The following COL1A1 variants were observed in gnomAD, a reference collection of about 807,000 sequenced individuals.
COL1A1 encodes the protein collagen alpha-1(I) chain.
COL1A1 carries 21 observed loss-of-function variants against 195.7 expected under a neutral mutation model. The ratio of observed to expected loss-of-function variants is 0.11; its 90% CI spans 0.08 to 0.15. COL1A1 has a LOEUF of 0.15. Ranked by LOEUF, COL1A1 falls within the 10% of genes least tolerant of loss-of-function variation. The pLI is 1.00. For missense variants in COL1A1, 1,365 were observed against 2,051.0 expected (o/e 0.67, Z 6.46); for synonymous variants, 749 against 747.3 (o/e 1.00, Z -0.04).
intron 25 of COL1A1, 81 bp downstream of exon 25, chr17:50,193,862 G>A: frequency 7.8e-7 from 1 of 1,281,532 alleles, no homozygotes; most frequent in South Asian, 1.2e-5. Context: ...CAGCGGCACA[G>A]CTGAGCCCAG....
chr17:50,196,566 T>C (rs1291459650), intron 12 of COL1A1, 38 bp from the exon 13 acceptor site: 2 of 1,614,150 alleles, frequency 1.2e-6, no homozygotes, highest in Middle Eastern at 1.6e-4. Context: ...AATTCATTCA[T>C]GGTGGGACTC....
chr17:50,185,978 T>C lies in COL1A1; in HGVS notation c.4048A>G (p.Ile1350Val). 1 of 1,613,620 alleles carries C rather than the reference T, an allele frequency of 6.2e-7. No individual in the cohort carries two copies. The highest frequency in any genetic ancestry group is 2.2e-5 in the East Asian group (1 of 44,848). ...GQGSDPADVA[I>V]QLTFLRLMST... ...ATCAGGCGCAGGAAGGTCAGCTGGA[T>C]GGCCACATCGGCAGGGTCGGAGCCC... is the stretch of plus-strand genomic sequence containing the variant. The change falls in exon 50 of 51, where the codon ATC becomes GTC. Residue 1350 changes from isoleucine (I) to valine (V), a missense_variant. Transcript: ENST00000225964.
In COL1A1 at chr17:50,185,358, G is replaced by T; in HGVS notation, c.*144C>A. The T allele has an allele frequency of 1.1e-6, 1 of 878,048 alleles. No homozygotes were observed. The highest frequency in any genetic ancestry group is 1.7e-6 in the Non-Finnish European group (1 of 588,078). 54.4% of individuals were successfully genotyped at this position (878,048 alleles called of 1,614,324 possible). A position where few individuals can be genotyped will look rare whatever the true frequency, so the allele number is the denominator to read the frequency against. ...ACTAAGTTTGAGAGATGAATGCAAA[G>T]GAAAAAAATATTTTCCAAAGTCCAT... On this transcript the variant is annotated 3_prime_UTR_variant, in exon 51 of 51. Coordinates refer to ENST00000225964, the MANE Select transcript of COL1A1 (RefSeq NM_000088.4).
chr17:50,192,633 G>T lies in COL1A1; in HGVS notation c.1929+7C>A, dbSNP rs748740828. On this transcript the variant is annotated splice_region_variant and intron_variant, in intron 28 of 50. Coordinates refer to ENST00000225964, the MANE Select transcript of COL1A1 (RefSeq NM_000088.4). ...CTCCCAGCATCCTGACAGCCATGAG[G>T]CCTCACCTGGAATCCGGGGGAGCCA... 1.2e-6 allele frequency: 2 copies of T among 1,614,214 alleles called. No homozygotes were observed. Among genetic ancestry groups the T allele is most frequent in the Non-Finnish European group, 1.7e-6 (2 of 1,180,036 alleles).
Position 50,198,173 on chromosome 17 carries a change from G to A in COL1A1, c.576C>T (p.Pro192=), listed in dbSNP as rs747650152. The A allele has an allele frequency of 5.6e-6, 9 of 1,614,130 alleles. No homozygotes were observed. The Admixed American group carries it at 1.3e-4, about 24-fold the overall frequency. Residue 192 remains proline, a synonymous_variant, in exon 7 of 51, where the codon CCC becomes CCT. Transcript: ENST00000225964. ...GPSGPRGLPG[P]PGAPGPQGFQ... ...CCTGGATACTCACAGGTGCACCAGG[G>A]GGGCCAGGGAGACCACGAGGACCAG...
At position 50,189,613 on chromosome 17, in the gene COL1A1, A is replaced by ATCCTTCTGGCAGCCCCCACCC. The variant is rs1906886778; in HGVS notation, c.2667+45_2667+65dup. The ATCCTTCTGGCAGCCCCCACCC allele has an allele frequency of 6.2e-6, 10 of 1,611,872 alleles. No homozygotes were observed. The highest frequency in any genetic ancestry group is 8.5e-6 in the Non-Finnish European group (10 of 1,178,988). On this transcript the variant is annotated intron_variant, in intron 38 of 50. Coordinates refer to ENST00000225964, the MANE Select transcript of COL1A1 (RefSeq NM_000088.4). The surrounding 1 kb of genome is among the most constrained non-coding windows in gnomAD (Gnocchi z 5.5). The stretch of plus-strand genomic sequence containing the variant: ...CATTGGGTCCTCAGTCAGCCCCACC[A>ATCCTTCTGGCAGCCCCCACCC]TCCTTCTGGCAGCCCCCACCCAGCA...
In COL1A1 at chr17:50,195,660, T is replaced by A. The variant is rs778733293; in HGVS notation, c.1062A>T (p.Glu354Asp). ...GFPGAVGAKG[E>D]AGPQGPRGSE... Reference sequence around the variant, plus strand: ...AGCCTCGGGGCCCTTGGGGACCAGCTTCACCCTGAATCAGAAGAAAGGACA... The same window carrying A: ...AGCCTCGGGGCCCTTGGGGACCAGCATCACCCTGAATCAGAAGAAAGGACA... The change falls in exon 17 of 51, where the codon GAA becomes GAT. Residue 354 changes from glutamate to aspartate, a missense_variant. Glu to Asp is a conservative substitution (Grantham distance 45). Transcript: ENST00000225964. The surrounding 1 kb of genome is among the most constrained non-coding windows in gnomAD (Gnocchi z 4.3). The A allele has an allele frequency of 1.1e-5, 18 of 1,613,192 alleles. No homozygotes were observed. In the Admixed American group the frequency reaches 1.8e-4, roughly 16 times the overall value.
rs1906607888 is a variant in COL1A1, at chr17:50,187,044, G to A, written c.3502C>T (p.Arg1168Cys). The A allele has an allele frequency of 6.2e-7, 1 of 1,613,878 alleles. No homozygotes were observed. The highest frequency in any genetic ancestry group is 8.5e-7 in the Non-Finnish European group (1 of 1,179,928). The change falls in exon 47 of 51, where the codon CGC (arginine) becomes TGC (cysteine). Residue 1168 changes from arginine to cysteine, a missense_variant. This residue lies in a region of COL1A1 where 671 missense variants were observed against 1,099.9 expected (regional missense o/e 0.61). Transcript: ENST00000225964. ...GGACCAGCATCACCAGTGCGACCGC[G>A]AGGACCAGGGGGCCCAATGGGGCCA... ...LPGPIGPPGPRGRTGDAGPVG... is the reference protein window; with the variant it reads ...LPGPIGPPGPCGRTGDAGPVG...
At position 50,195,799 on chromosome 17, in the gene COL1A1, G is replaced by A. The variant is rs575259422; in HGVS notation, c.1056+124C>T. The stretch of plus-strand genomic sequence containing the variant: ...TCTAAGATCAGAGACGGAGAACCCA[G>A]GACAAAGGTGTTAGTGAACGGGCTG... On this transcript the variant is annotated intron_variant, in intron 16 of 50. Coordinates refer to ENST00000225964, the MANE Select transcript of COL1A1 (RefSeq NM_000088.4). The surrounding 1 kb of genome is among the most constrained non-coding windows in gnomAD (Gnocchi z 4.3). 65 of 1,348,358 alleles carry A rather than the reference G, an allele frequency of 4.8e-5. No homozygotes were observed. Among genetic ancestry groups the A allele is most frequent in the Non-Finnish European group, 6.3e-5 (61 of 962,430 alleles). 83.5% of individuals were successfully genotyped at this position (1,348,358 alleles called of 1,614,324 possible). A position where few individuals can be genotyped will look rare whatever the true frequency, so the allele number is the denominator to read the frequency against.
At position 50,184,895 on chromosome 17, in the gene COL1A1, G is replaced by A. The variant is rs372353138; in HGVS notation, c.*607C>T. The A allele has an allele frequency of 9.6e-5, 22 of 229,396 alleles. No homozygotes were observed. Among genetic ancestry groups the A allele is most frequent in the African/African-American group, 3.3e-4 (15 of 45,158 alleles). 14.2% of individuals were successfully genotyped at this position (229,396 alleles called of 1,614,324 possible). ...CCGGCATGACCCCCTCAAAAACGAA[G>A]GGGAGATGTTGCAAGAGCCATGGGA... On this transcript the variant is annotated 3_prime_UTR_variant, in exon 51 of 51. Coordinates refer to ENST00000225964, the MANE Select transcript of COL1A1 (RefSeq NM_000088.4).
At position 50,185,380 on chromosome 17, in the gene COL1A1, C is replaced by T. The variant is rs1345758063; in HGVS notation, c.*122G>A. ...AAAGGAAAAAAATATTTTCCAAAGTCCATGTGAAATTGTCTCCCATTTTTT... is the reference window on the plus strand; with the variant it reads ...AAAGGAAAAAAATATTTTCCAAAGTTCATGTGAAATTGTCTCCCATTTTTT... On this transcript the variant is annotated 3_prime_UTR_variant, in exon 51 of 51. Coordinates refer to ENST00000225964, the MANE Select transcript of COL1A1 (RefSeq NM_000088.4). 10 of 1,081,600 alleles carry T rather than the reference C, an allele frequency of 9.2e-6. No individual in the cohort carries two copies. The South Asian group carries it at 1.2e-4, about 12-fold the overall frequency. The allele number at this position is 1,081,600 out of a possible 1,614,324, so 67.0% of individuals were successfully genotyped here.
rs1567762542 is a variant in COL1A1 at position 50,197,192 on chromosome 17, A to G, written c.738T>C (p.Pro246=). Residue 246 remains proline (P), a synonymous_variant, in exon 10 of 51, where the codon CCT becomes CCC. Coordinates refer to ENST00000225964, the MANE Select transcript of COL1A1 (RefSeq NM_000088.4). Reference sequence around the variant, plus strand: ...GCCCCCTGCTCACCTGAGGCCCAGGAGGCCCACGCTCACCAGGACGACCAG... The same window carrying G: ...GCCCCCTGCTCACCTGAGGCCCAGGGGGCCCACGCTCACCAGGACGACCAG... ...GKPGRPGERG[P]PGPQGARGLP... is the part of the protein sequence containing the mutation. 1 of 1,613,674 alleles carries G rather than the reference A, an allele frequency of 6.2e-7. No individual in the cohort carries two copies. The highest frequency in any genetic ancestry group is 8.5e-7 in the Non-Finnish European group (1 of 1,180,024).
In COL1A1 at chr17:50,185,445, C is replaced by G. The variant is rs10144; in HGVS notation, c.*57G>C. The stretch of plus-strand genomic sequence containing the variant: ...TTCAGTTTGGGTTGCTTGTCTGTTT[C>G]CGGGTTGGGGGGAAAGTTGGTTGGG... On this transcript the variant is annotated 3_prime_UTR_variant, in exon 51 of 51. Transcript: ENST00000225964. 6.2e-6 allele frequency: 10 copies of G among 1,609,304 alleles called. No individual in the cohort carries two copies.
At position 50,196,000 on chromosome 17, in the gene COL1A1, G is replaced by C. The variant is rs1567761263; in HGVS notation, c.1003-24C>G. On this transcript the variant is annotated intron_variant, in intron 15 of 50. Transcript: ENST00000225964. The surrounding 1 kb of genome is among the most constrained non-coding windows in gnomAD (Gnocchi z 4.3). ...CCCTGTGAATGAAATGGAGATGTCAGCGAGAAGGAAGAGATGGCAGCTGCA... is the reference window on the plus strand; with the variant it reads ...CCCTGTGAATGAAATGGAGATGTCACCGAGAAGGAAGAGATGGCAGCTGCA... 1 of 1,597,518 alleles carries C rather than the reference G, an allele frequency of 6.3e-7. No homozygotes were observed. The highest frequency in any genetic ancestry group is 1.8e-5 in the Admixed American group (1 of 56,992).
Position 50,189,084 on chromosome 17 carries a change from C to T in COL1A1, c.2938-74G>A, listed in dbSNP as rs1906831252. 6.3e-7 allele frequency: 1 copy of T among 1,579,818 alleles called. No homozygotes were observed. Among genetic ancestry groups the T allele is most frequent in the African/African-American group, 1.3e-5 (1 of 74,276 alleles). On this transcript the variant is annotated intron_variant, in intron 40 of 50. Coordinates refer to ENST00000225964, the MANE Select transcript of COL1A1 (RefSeq NM_000088.4). This position sits in a 1 kb window ranked among gnomAD's most constrained non-coding sequence, Gnocchi z 5.5. ...TTGAGTCCGCTGGAGTCATCTCTAC[C>T]AAATCTGTTCTCCTTGGCTCCGCCC...
chr17:50,197,150 G>T, intron 10 of COL1A1, 30 bp downstream of exon 10: 1 of 1,614,012 alleles, frequency 6.2e-7, no homozygotes, highest in Non-Finnish European at 8.5e-7. Context: ...GTGCAGTGAA[G>T]CCCAGGTTCA....
chr17:50,196,472 G>C lies in COL1A1; in HGVS notation c.903+12C>G, dbSNP rs1352150955. The C allele has an allele frequency of 6.2e-7, 1 of 1,614,070 alleles. No homozygotes were observed. The highest frequency in any genetic ancestry group is 1.3e-5 in the African/African-American group (1 of 74,914). On this transcript the variant is annotated intron_variant, in intron 13 of 50. Transcript: ENST00000225964. ...TGCCCCATCCCTGCCCTCTGGAACT[G>C]GGCACACTCACCATCTGACCAGGAG...
At chr17:50,198,038 G>A (rs1018204498) in intron 7 of COL1A1, 36 bp from the exon 8 acceptor site, 4 of 1,611,760 alleles carry the variant, frequency 2.5e-6, no homozygotes, top group Non-Finnish European at 3.4e-6. Context: ...TAGAAGACAA[G>A]TCCCTGTCAA....
chr17:50,192,209 C>A (rs889782318), intron 29 of COL1A1, 185 bp from the exon 30 acceptor site: 7 of 739,604 alleles, frequency 9.5e-6, no homozygotes, highest in African/African-American at 5.3e-5. Flanking sequence ...GGCTTCCCCC[C>A]TCCCCAAACT....
Sources: gnomAD v4.1 joint callset for allele counts on GRCh38, gnomAD v4.1.1 for gene constraint, gnomAD v4.1.1 regional missense constraint, Gnocchi (gnomAD v3.1) non-coding constraint, MANE v1.5 for transcripts, NCBI Gene and HGNC (gene_info 2026-07-23, HGNC 2026-07-21) for gene names.